FMR1NB: variants seen among roughly 807,000 people sequenced by gnomAD.
FMR1NB encodes FMR1 neighbor, also known as FMR1 neighbor protein.
Under a neutral mutation model 16.8 loss-of-function variants are expected in FMR1NB, and 10 were observed. The observed-to-expected ratio is 0.60, with a 90% CI of 0.37 to 1.01. The LOEUF (loss-of-function observed/expected upper bound fraction) is 1.01, where lower values mean the gene tolerates loss of function less well. FMR1NB is among the 50% of genes least tolerant of loss of function. The probability of loss-of-function intolerance (pLI) is 0.01; values close to 1 mark genes in which losing one functional copy is unlikely to be tolerated. For synonymous variants in FMR1NB, 83 were observed against 79.1 expected, an observed-to-expected ratio of 1.05 and a Z score of -0.26; for missense variants, 205 against 204.8, an observed-to-expected ratio of 1.00 and a Z score of 0.00.
At chrX:148,023,047 A>G (rs2044687102) in intron 4 of FMR1NB, among the ~76,000 whole-genome samples, 1 of 111,511 alleles carries the variant, frequency 9.0e-6, no homozygotes, top group Non-Finnish European at 1.9e-5. Context: ...TCTTAGAGTG[A>G]ATATTCATAT....
chrX:148,007,748 A>G (rs1236611174), intron 3 of FMR1NB, among the ~76,000 whole-genome samples: 1 of 112,463 alleles, frequency 8.9e-6, no homozygotes, highest in Non-Finnish European at 1.9e-5. Flanking sequence ...AAACACTAAT[A>G]CTACAAAAAG....
intron 1 of FMR1NB, among the ~76,000 whole-genome samples, chrX:148,002,479 A>G (rs1557188728): frequency 8.9e-6 from 1 of 111,796 alleles, no homozygotes; most frequent in African/African-American, 3.2e-5. Context: ...ATATTTGCAA[A>G]TATATAAATA....
intron 1 of FMR1NB, among the ~76,000 whole-genome samples, chrX:147,983,906 A>G (rs1409692906): frequency 4.5e-5 from 5 of 110,959 alleles, no homozygotes; most frequent in Non-Finnish European, 9.4e-5. Context: ...TGATTTTGGC[A>G]TATGGTGTAT....
chrX:148,017,234 CA>C (rs2044654262), intron 4 of FMR1NB, among the ~76,000 whole-genome samples: 1 of 111,217 alleles, frequency 9.0e-6, no homozygotes, highest in South Asian at 3.8e-4. Context: ...ACTCTGCTGC[CA>C]GACTTACTGG....
chrX:148,023,164 CA>C (rs1341894836), intron 4 of FMR1NB, among the ~76,000 whole-genome samples: 1 of 111,564 alleles, frequency 9.0e-6, no homozygotes, highest in Non-Finnish European at 1.9e-5. Context: ...TTTCTAAATC[CA>C]AAAGAATCTG....
chrX:147,998,618 A>G lies in FMR1NB; in HGVS notation c.278-4583A>G, dbSNP rs181578684. ...CAAAGTATCAAAAAAGACAAAGTTT[A>G]TAAAGATTTGCCCTATGGCAAGTGA... is the stretch of plus-strand genomic sequence containing the variant. On this transcript the variant is annotated intron_variant, in intron 1 of 5. Transcript: ENST00000370467. Among the ~76,000 whole-genome samples the G allele has an allele frequency of 1.3e-3, 148 of 112,890 alleles. 1 individual carries two copies. Among genetic ancestry groups the G allele is most frequent in the African/African-American group, 4.5e-3 (141 of 31,111 alleles).
At chrX:148,022,233 C>T (rs1328034009) in intron 4 of FMR1NB, among the ~76,000 whole-genome samples, 1 of 104,807 alleles carries the variant, frequency 9.5e-6, no homozygotes, top group Non-Finnish European at 1.9e-5. Flanking sequence ...TTATCTGGCT[C>T]TCTCCACTCA....
At chrX:147,982,922 A>T (rs2044458510) in intron 1 of FMR1NB, among the ~76,000 whole-genome samples, 1 of 112,255 alleles carries the variant, frequency 8.9e-6, no homozygotes, top group Non-Finnish European at 1.9e-5. Context: ...TTGAAGTGAA[A>T]TTCATATAAC....
At chrX:148,004,061 G>GA (rs1232344130) in intron 2 of FMR1NB, among the ~76,000 whole-genome samples, 1 of 111,675 alleles carries the variant, frequency 9.0e-6, no homozygotes, top group African/African-American at 3.3e-5. Context: ...TAGTGAACTT[G>GA]AAAAAATCTC....
At chrX:148,024,373 C>A (rs1032950150) in intron 4 of FMR1NB, among the ~76,000 whole-genome samples, 1 of 111,550 alleles carries the variant, frequency 9.0e-6, no homozygotes, top group African/African-American at 3.3e-5. Flanking sequence ...GCCCCTTTAC[C>A]AACTGTCCAC....
intron 4 of FMR1NB, among the ~76,000 whole-genome samples, chrX:148,009,317 G>A (rs1453066820): frequency 1.8e-5 from 2 of 111,455 alleles, no homozygotes; most frequent in Non-Finnish European, 3.8e-5. Flanking sequence ...TGTGTGCAGT[G>A]GGGGTGGCTA....
At chrX:148,018,870 C>T (rs2044664571) in intron 4 of FMR1NB, among the ~76,000 whole-genome samples, 1 of 111,465 alleles carries the variant, frequency 9.0e-6, no homozygotes. Context: ...AAGAAACTAC[C>T]ATCAGTGTGA....
intron 2 of FMR1NB, among the ~76,000 whole-genome samples, chrX:148,005,134 C>A (rs1228988253): frequency 8.9e-6 from 1 of 112,241 alleles, no homozygotes; most frequent in Non-Finnish European, 1.9e-5. Flanking sequence ...GTGATCCGCC[C>A]GCCTTGGGCT....
chrX:148,025,561 G>A (rs928571437), intron 5 of FMR1NB, among the ~76,000 whole-genome samples: 44 of 111,520 alleles, frequency 3.9e-4, no homozygotes, highest in Non-Finnish European at 8.3e-4. Flanking sequence ...TAGATCCCTA[G>A]CCTTGACTTG....
At chrX:148,013,098 T>G (rs2044633190) in intron 4 of FMR1NB, among the ~76,000 whole-genome samples, 1 of 111,530 alleles carries the variant, frequency 9.0e-6, no homozygotes, top group African/African-American at 3.3e-5. Context: ...AGGTTTGAAA[T>G]TCGTATAAAG....
chrX:147,993,961 C>CT (rs782755433), intron 1 of FMR1NB, among the ~76,000 whole-genome samples: 42 of 111,779 alleles, frequency 3.8e-4, no homozygotes, highest in African/African-American at 1.2e-3. Context: ...CTACAACCTT[C>CT]TTTCCTTCCA....
intron 4 of FMR1NB, among the ~76,000 whole-genome samples, chrX:148,010,307 A>C (rs1234946007): frequency 8.9e-6 from 1 of 112,628 alleles, no homozygotes; most frequent in Non-Finnish European, 1.9e-5. Flanking sequence ...TGAGCTGACT[A>C]TCATGACCCT....
chrX:148,018,845 G>C (rs999451741), intron 4 of FMR1NB, among the ~76,000 whole-genome samples: 41 of 111,756 alleles, frequency 3.7e-4, no homozygotes, highest in Non-Finnish European at 5.3e-4. Flanking sequence ...AAACTAAAGA[G>C]CTTCTGCACA....
At position 148,023,099 on chromosome X, in the gene FMR1NB, A is replaced by G. The variant is rs782433610; in HGVS notation, c.633-1766A>G. On this transcript the variant is annotated intron_variant, in intron 4 of 5. Coordinates refer to ENST00000370467, the MANE Select transcript of FMR1NB (RefSeq NM_152578.3). ...TTACTGTGTTTGATTATGAGATGCT[A>G]CCCCAGACCCCATGGGAATGTCATG... Among the ~76,000 whole-genome samples the G allele has an allele frequency of 2.7e-5, 3 of 111,299 alleles. No homozygotes were observed. In the South Asian group the frequency reaches 1.1e-3, roughly 42 times the overall value.
Sources: allele counts gnomAD v4.1 joint callset (sites outside exome capture counted in the v4.1 genomes callset), GRCh38; gene constraint gnomAD v4.1.1; transcripts MANE v1.5; gene names NCBI Gene and HGNC (gene_info 2026-07-23, HGNC 2026-07-21).